PAPSS2: variants seen among roughly 807,000 people sequenced by gnomAD.
PAPSS2 encodes the protein 3'-phosphoadenosine 5'-phosphosulfate synthase 2.
PAPSS2 carries 61 observed loss-of-function variants against 66.5 expected under a neutral mutation model. The ratio of observed to expected loss-of-function variants is 0.92; its 90% CI spans 0.75 to 1.14. The LOEUF (loss-of-function observed/expected upper bound fraction) is 1.14. Among genes scored for constraint, PAPSS2 ranks in the 50% most tolerant of loss-of-function variants. The probability of loss-of-function intolerance (pLI) is 0.00; values close to 1 mark genes in which losing one functional copy is unlikely to be tolerated. For missense variants in PAPSS2, 708 were observed against 789.6 expected (o/e 0.90, Z 1.24); for synonymous variants, 289 against 287.5 (o/e 1.01, Z -0.05).
chr10:87,685,258 A>G (rs11202505), intron 1 of PAPSS2, among the ~76,000 whole-genome samples: 19,673 of 152,224 alleles, frequency 0.13, 1,476 homozygotes, highest in South Asian at 0.28. Context: ...ACTCTTTTCA[A>G]GCAGAGTATG....
chr10:87,681,324 A>G lies in PAPSS2; in HGVS notation c.27+21316A>G, dbSNP rs377363206. ...TGAAGTTCTTGAAACCATGCTTACCACCATCAGAATAAAAAGACTATCAAA... is the reference window on the plus strand; with the variant it reads ...TGAAGTTCTTGAAACCATGCTTACCGCCATCAGAATAAAAAGACTATCAAA... On this transcript the variant is annotated intron_variant, in intron 1 of 12. Coordinates refer to ENST00000456849, the MANE Select transcript of PAPSS2 (RefSeq NM_001015880.2). Among the ~76,000 whole-genome samples, 222 of 152,306 alleles carry G rather than the reference A, an allele frequency of 1.5e-3. 7 individuals carry two copies. The South Asian group carries it at 0.043, about 29-fold the overall frequency.
At chr10:87,661,593 G>T (rs1272031102) in intron 1 of PAPSS2, among the ~76,000 whole-genome samples, 1 of 152,110 alleles carries the variant, frequency 6.6e-6, no homozygotes, top group African/African-American at 2.4e-5. Flanking sequence ...ATTAGAAAGG[G>T]ACGAGGTGGT....
At chr10:87,719,747 C>T (rs756538555) in intron 7 of PAPSS2, among the ~76,000 whole-genome samples, 6 of 152,066 alleles carry the variant, frequency 3.9e-5, no homozygotes, top group Non-Finnish European at 8.8e-5. Flanking sequence ...GTTTTTCTAG[C>T]GTCTGGAGAT....
At chr10:87,682,961 GAGGGCAGTGCAC>G (rs1853040966) in intron 1 of PAPSS2, among the ~76,000 whole-genome samples, 1 of 152,186 alleles carries the variant, frequency 6.6e-6, no homozygotes, top group African/African-American at 2.4e-5. Context: ...CATAAATTCT[GAGGGCAGTGCAC>G]AGTATTCCAA....
intron 9 of PAPSS2, among the ~76,000 whole-genome samples, chr10:87,736,370 T>TGATTCTCCTG (rs1336213605): frequency 4.6e-4 from 68 of 148,546 alleles, no homozygotes; most frequent in African/African-American, 1.6e-3. Context: ...CAGGTTCAAG[T>TGATTCTCCTG]GATTCTCCTG....
intron 1 of PAPSS2, among the ~76,000 whole-genome samples, chr10:87,664,750 T>C (rs894000014): frequency 2.6e-5 from 4 of 152,264 alleles, no homozygotes; most frequent in South Asian, 2.1e-4. Flanking sequence ...TAAATAGTAA[T>C]GGGCACTCAT....
At chr10:87,673,689 CTTTTTTTTTTTTTTT>C (rs34935261) in intron 1 of PAPSS2, among the ~76,000 whole-genome samples, 2 of 67,424 alleles carry the variant, frequency 3.0e-5, no homozygotes, top group Admixed American at 1.9e-4. Context: ...TTTTGGCTTA[CTTTTTTTTTTTTTTT>C]TTTTTTTTTT....
At chr10:87,699,041 T>C (rs1396728995) in intron 1 of PAPSS2, among the ~76,000 whole-genome samples, 1 of 152,242 alleles carries the variant, frequency 6.6e-6, no homozygotes, top group Non-Finnish European at 1.5e-5. Context: ...GCTGTTTAGA[T>C]AACTTATGAA....
intron 2 of PAPSS2, among the ~76,000 whole-genome samples, chr10:87,712,751 T>C (rs1853478254): frequency 6.6e-6 from 1 of 152,054 alleles, no homozygotes; most frequent in African/African-American, 2.4e-5. Context: ...GCCACCACCA[T>C]GCCCAGCCTG....
chr10:87,714,941 C>T (rs770384874), intron 5 of PAPSS2, 44 bp from the exon 6 acceptor site: 1 of 1,438,416 alleles, frequency 7.0e-7, no homozygotes, highest in Non-Finnish European at 9.8e-7. Flanking sequence ...CTGAAGCATT[C>T]TTTTTACAGT....
intron 1 of PAPSS2, among the ~76,000 whole-genome samples, chr10:87,665,704 G>A (rs1463189213): frequency 1.3e-5 from 2 of 152,148 alleles, no homozygotes; most frequent in Non-Finnish European, 2.9e-5. Context: ...TATTTTTAGA[G>A]TGTAGGGTTT....
rs1303561922 is a variant in PAPSS2, at chr10:87,743,623, A to C, written c.1473A>C (p.Leu491Phe). The change falls in exon 11 of 13, where the codon TTA (leucine) becomes TTC (phenylalanine). Residue 491 changes from leucine to phenylalanine, a missense_variant. Transcript: ENST00000456849. ...TIVAIFPSPM[L>F]YAGPTEVQWH... ...TTGCCATCTTTCCGTCTCCCATGTT[A>C]TATGCTGGCCCCACAGAGGTGAGCA... 1.9e-6 allele frequency: 3 copies of C among 1,614,110 alleles called. No individual in the cohort carries two copies. Among genetic ancestry groups the C allele is most frequent in the Non-Finnish European group, 2.5e-6 (3 of 1,179,996 alleles).
At chr10:87,660,042 A>G in intron 1 of PAPSS2, 34 bp downstream of exon 1, 1 of 1,600,062 alleles carries the variant, frequency 6.2e-7, no homozygotes, top group Non-Finnish European at 8.5e-7. Context: ...CCTCCCCGCC[A>G]CCGCACTGCA....
chr10:87,704,987 C>A (rs1853364920), intron 1 of PAPSS2, among the ~76,000 whole-genome samples: 1 of 152,160 alleles, frequency 6.6e-6, no homozygotes, highest in African/African-American at 2.4e-5. Flanking sequence ...TGTGCGTGTA[C>A]ATGGTAAAAT....
intron 1 of PAPSS2, among the ~76,000 whole-genome samples, chr10:87,680,293 C>T (rs1220347191): frequency 1.3e-5 from 2 of 152,168 alleles, no homozygotes; most frequent in Non-Finnish European, 2.9e-5. Context: ...TTTGGTCTCA[C>T]TCTAAGTTGG....
intron 7 of PAPSS2, 71 bp from the exon 8 acceptor site, chr10:87,721,685 G>T: frequency 2.0e-6 from 2 of 1,019,432 alleles, no homozygotes; most frequent in South Asian, 3.0e-5. Context: ...TTTGTTCTTT[G>T]ACATTGTTGC....
At chr10:87,704,981 C>T (rs1037481821) in intron 1 of PAPSS2, among the ~76,000 whole-genome samples, 6 of 152,078 alleles carry the variant, frequency 3.9e-5, no homozygotes, top group African/African-American at 9.7e-5. Flanking sequence ...TGTTTGTGTG[C>T]GTGTACATGG....
intron 1 of PAPSS2, among the ~76,000 whole-genome samples, chr10:87,663,221 C>G (rs922044898): frequency 3.3e-5 from 5 of 150,300 alleles, no homozygotes; most frequent in African/African-American, 9.8e-5. Flanking sequence ...AAGCAATTCT[C>G]CTGCCTCAGC....
intron 1 of PAPSS2, among the ~76,000 whole-genome samples, chr10:87,691,549 T>C (rs1038499947): frequency 1.3e-5 from 2 of 151,848 alleles, no homozygotes; most frequent in African/African-American, 4.8e-5. Flanking sequence ...CGCCGACCAC[T>C]TGAATGAGAA....
Sources: allele counts gnomAD v4.1 joint callset (sites outside exome capture counted in the v4.1 genomes callset), GRCh38; gene constraint gnomAD v4.1.1; transcripts MANE v1.5; gene names NCBI Gene and HGNC (gene_info 2026-07-23, HGNC 2026-07-21).